Variants in NBEA observed in about 807,000 individuals in gnomAD.
NBEA encodes lysosomal-trafficking regulator 2.
A neutral mutation model predicts 343.4 loss-of-function variants in NBEA; 44 were observed. That is an observed-to-expected ratio of 0.13 (90% CI 0.10 to 0.16). NBEA has a LOEUF of 0.16. Among genes scored for constraint, NBEA ranks in the 10% least tolerant of loss-of-function variants. The probability of loss-of-function intolerance (pLI) is 1.00; values close to 1 mark genes in which losing one functional copy is unlikely to be tolerated. For synonymous variants in NBEA, 1,175 were observed against 1,238.7 expected, an observed-to-expected ratio of 0.95 and a Z score of 1.08; for missense variants, 2,555 against 3,631.3, an observed-to-expected ratio of 0.70 and a Z score of 7.62.
At position 35,225,675 on chromosome 13, in the gene NBEA, A is replaced by G. The variant is rs73491664; in HGVS notation, c.5649-6817A>G. The stretch of plus-strand genomic sequence containing the variant: ...GTTCACACATGGACTTCAGAAATTT[A>G]TTTAAAAAATTTAGCTGATTTTTTT... On this transcript the variant is annotated intron_variant, in intron 33 of 58. Coordinates refer to ENST00000379939, the MANE Select transcript of NBEA (RefSeq NM_001385012.1). Among the ~76,000 whole-genome samples, 976 of 152,178 alleles carry G rather than the reference A, an allele frequency of 6.4e-3. 11 individuals carry two copies. The highest frequency in any genetic ancestry group is 0.023 in the African/African-American group (935 of 41,530).
intron 41 of NBEA, among the ~76,000 whole-genome samples, chr13:35,542,447 TC>T (rs1420260931): frequency 5.9e-5 from 9 of 152,182 alleles, no homozygotes; most frequent in African/African-American, 2.2e-4. Flanking sequence ...CTGTGATCAA[TC>T]TTTTGGTCCA....
intron 38 of NBEA, among the ~76,000 whole-genome samples, chr13:35,419,304 T>C (rs1225755636): frequency 2.0e-5 from 3 of 152,044 alleles, no homozygotes; most frequent in Non-Finnish European, 4.4e-5. Context: ...TCCTGGTTCA[T>C]AGAACAGTGC....
intron 6 of NBEA, 91 bp from the exon 7 acceptor site, chr13:35,055,919 A>G: frequency 9.6e-7 from 1 of 1,038,414 alleles, no homozygotes; most frequent in Non-Finnish European, 1.3e-6. Flanking sequence ...CTGTCAGCAT[A>G]TTCTTGTAGG....
At chr13:34,968,965 C>A (rs866703895) in intron 1 of NBEA, among the ~76,000 whole-genome samples, 39 of 140,818 alleles carry the variant, frequency 2.8e-4, no homozygotes, top group African/African-American at 1.0e-3. Context: ...CTCTTTGTGC[C>A]TCTTACTCCA....
At chr13:35,376,830 G>C (rs1463177608) in intron 38 of NBEA, among the ~76,000 whole-genome samples, 2 of 152,132 alleles carry the variant, frequency 1.3e-5, no homozygotes, top group Non-Finnish European at 2.9e-5. Flanking sequence ...AATACAGGGA[G>C]GCTGCAGAAA....
At chr13:35,084,703 G>A (rs1287686342) in intron 10 of NBEA, among the ~76,000 whole-genome samples, 2 of 152,026 alleles carry the variant, frequency 1.3e-5, no homozygotes, top group Non-Finnish European at 2.9e-5. Flanking sequence ...ACATTCAAAA[G>A]CTAGCAGAAG....
intron 49 of NBEA, among the ~76,000 whole-genome samples, chr13:35,630,213 A>G (rs576706314): frequency 6.6e-6 from 1 of 152,310 alleles, no homozygotes; most frequent in African/African-American, 2.4e-5. Context: ...TTGAAAATGA[A>G]ATTAAAATGG....
chr13:35,320,831 T>C (rs890211844), intron 36 of NBEA, among the ~76,000 whole-genome samples: 23 of 152,110 alleles, frequency 1.5e-4, no homozygotes, highest in African/African-American at 5.3e-4. Flanking sequence ...CTTCACACTT[T>C]ATTTCATTAA....
chr13:35,255,397 C>T (rs970127098), intron 34 of NBEA, among the ~76,000 whole-genome samples: 14 of 152,254 alleles, frequency 9.2e-5, no homozygotes, highest in African/African-American at 3.4e-4. Context: ...ACATGCTGCA[C>T]TCAGCTCATG....
intron 34 of NBEA, among the ~76,000 whole-genome samples, chr13:35,252,158 C>T (rs1310547383): frequency 6.6e-6 from 1 of 152,042 alleles, no homozygotes; most frequent in East Asian, 1.9e-4. Context: ...GGGGAGGCCT[C>T]AGGAAACTTA....
chr13:35,136,654 C>G (rs1455166170), intron 17 of NBEA, among the ~76,000 whole-genome samples: 1 of 152,210 alleles, frequency 6.6e-6, no homozygotes, highest in Non-Finnish European at 1.5e-5. Flanking sequence ...TTTGGCTGGC[C>G]TCAGACTTCT....
intron 17 of NBEA, among the ~76,000 whole-genome samples, chr13:35,126,053 A>AT (rs949635019): frequency 2.0e-4 from 31 of 152,296 alleles, no homozygotes; most frequent in African/African-American, 7.5e-4. Context: ...CCCCCCACCT[A>AT]AAATCTCATC....
intron 41 of NBEA, among the ~76,000 whole-genome samples, chr13:35,516,572 A>G (rs976828397): frequency 6.6e-6 from 1 of 152,198 alleles, no homozygotes; most frequent in African/African-American, 2.4e-5. Context: ...GAATAAAACC[A>G]TCTTCAGATA....
At chr13:35,003,683 C>A (rs1202118744) in intron 1 of NBEA, among the ~76,000 whole-genome samples, 1 of 152,164 alleles carries the variant, frequency 6.6e-6, no homozygotes, top group Non-Finnish European at 1.5e-5. Context: ...GGGAACATTA[C>A]ACTCTGAATT....
At chr13:35,359,904 TG>T (rs1253162793) in intron 38 of NBEA, among the ~76,000 whole-genome samples, 1 of 151,864 alleles carries the variant, frequency 6.6e-6, no homozygotes, top group Non-Finnish European at 1.5e-5. Flanking sequence ...TCATTACTAT[TG>T]TTTAGTTTTC....
intron 30 of NBEA, among the ~76,000 whole-genome samples, chr13:35,190,069 G>C (rs2152737312): frequency 6.6e-6 from 1 of 152,002 alleles, no homozygotes; most frequent in South Asian, 2.1e-4. Flanking sequence ...GAATTTCTTA[G>C]AAAGTCTCGA....
rs769935780 is a variant in NBEA, at chr13:35,432,358, A to G, written c.6269A>G (p.His2090Arg). ...RFVRNAFGST[H>R]AEALLKAAIE... is the part of the protein sequence containing the mutation. ...GTTCGCAATGCATTTGGCTCCACTC[A>G]TGCTGAAGCATTGCTGAAAGCTGCA... Residue 2090 changes from histidine to arginine, a missense_variant, in exon 39 of 59, where the codon CAT becomes CGT. By Grantham distance (29) the His-to-Arg change is conservative. Transcript: ENST00000379939. 3.7e-6 allele frequency: 6 copies of G among 1,609,484 alleles called. No individual in the cohort carries two copies. Among genetic ancestry groups the G allele is most frequent in the East Asian group, 2.2e-5 (1 of 44,690 alleles).
At chr13:35,102,803 G>T (rs2065712089) in intron 11 of NBEA, among the ~76,000 whole-genome samples, 1 of 151,516 alleles carries the variant, frequency 6.6e-6, no homozygotes, top group Non-Finnish European at 1.5e-5. Context: ...AAAAATTTTT[G>T]TAGACAATAA....
intron 38 of NBEA, among the ~76,000 whole-genome samples, chr13:35,426,162 C>T (rs926710877): frequency 6.6e-6 from 1 of 152,030 alleles, no homozygotes. Flanking sequence ...AAGTTAATAT[C>T]GTTATGTGTG....
Sources: gnomAD v4.1 joint callset for allele counts (sites outside exome capture counted in the v4.1 genomes callset) on GRCh38, gnomAD v4.1.1 for gene constraint, MANE v1.5 for transcripts, NCBI Gene and HGNC (gene_info 2026-07-23, HGNC 2026-07-21) for gene names.